The following RREB1 variants were observed in gnomAD, a reference collection of about 807,000 sequenced individuals.
RREB1 encodes the protein ras responsive element binding protein 1, also known as ras-responsive element-binding protein 1.
Under a neutral mutation model 117.8 loss-of-function variants are expected in RREB1, and 27 were observed. The ratio of observed to expected loss-of-function variants is 0.23; its 90% confidence interval spans 0.17 to 0.32. RREB1 has a LOEUF of 0.32. Ranked by LOEUF, RREB1 falls within the 10% of genes least tolerant of loss-of-function variation. The pLI, the probability that RREB1 is intolerant of heterozygous loss-of-function variation, is 1.00. For synonymous variants in RREB1, 1,298 were observed against 1,026.7 expected (o/e 1.26, Z -5.05); for missense variants, 2,577 against 2,378.2 (o/e 1.08, Z -1.74).
At chr6:7,211,338 A>AGATGGATGGACGGATG (rs1766583767) in intron 7 of RREB1, among the ~76,000 whole-genome samples, 1 of 118,566 alleles carries the variant, frequency 8.4e-6, no homozygotes, top group Non-Finnish European at 1.7e-5. Flanking sequence ...ATGGATGGAC[A>AGATGGATGGACGGATG]GATGGATGGA....
At chr6:7,119,224 G>A (rs532963472) in intron 1 of RREB1, among the ~76,000 whole-genome samples, 62 of 151,962 alleles carry the variant, frequency 4.1e-4, no homozygotes, top group Middle Eastern at 3.4e-3. Context: ...AGTGGCGGGC[G>A]TCTGTAATCC....
intron 1 of RREB1, chr6:7,108,493 A>C (rs957572843): frequency 1.1e-4 from 16 of 151,640 alleles, no homozygotes; most frequent in African/African-American, 3.9e-4. Flanking sequence ...CGCCGAGTTT[A>C]TTTTTAACCA....
intron 1 of RREB1, among the ~76,000 whole-genome samples, chr6:7,128,186 C>T (rs1202185797): frequency 6.6e-6 from 1 of 152,112 alleles, no homozygotes; most frequent in Non-Finnish European, 1.5e-5. Flanking sequence ...GTGGGTTGGA[C>T]AGAACACATA....
rs753387864 is a variant in RREB1 at position 7,230,763 on chromosome 6, C to A, written c.2664C>A (p.Pro888=). ...PPPHVSIKLE[P]ASSFAVDFNE... is the part of the protein sequence containing the mutation. ...CCCATGTCTCGATCAAGTTGGAGCC[C>A]GCCAGTAGCTTTGCGGTGGACTTCA... The change falls in exon 10 of 13, where the codon CCC becomes CCA. Residue 888 remains proline, a synonymous_variant. Coordinates refer to ENST00000379938, the MANE Select transcript of RREB1 (RefSeq NM_001003699.4). 3.1e-6 allele frequency: 5 copies of A among 1,611,586 alleles called. No individual in the cohort carries two copies. In the African/African-American group the frequency reaches 6.7e-5, roughly 21 times the overall value.
intron 11 of RREB1, among the ~76,000 whole-genome samples, chr6:7,245,704 C>T (rs1561807963): frequency 6.6e-6 from 1 of 152,196 alleles, no homozygotes; most frequent in Non-Finnish European, 1.5e-5. Flanking sequence ...CCCTTGTCTT[C>T]ACAGGCACCC....
rs1230266839 is a variant in RREB1, at chr6:7,251,197, C to T, written c.*2229C>T. 7.9e-5 allele frequency: 12 copies of T among 152,140 alleles called. No homozygotes were observed. Among genetic ancestry groups the T allele is most frequent in the Admixed American group, 7.9e-4 (12 of 15,276 alleles). The allele number at this position is 152,140 out of a possible 1,614,324, so 9.4% of individuals were successfully genotyped here. The stretch of plus-strand genomic sequence containing the variant: ...TAATCACTATTGATTTAAAGCTTTA[C>T]TTAGCCTTGATCTGTACCCTCGTAG... On this transcript the variant is annotated 3_prime_UTR_variant, in exon 13 of 13. Transcript: ENST00000379938.
In RREB1 at chr6:7,248,496, C is replaced by A. The variant is rs1390374466; in HGVS notation, c.4772-15C>A. 8.7e-6 allele frequency: 14 copies of A among 1,608,948 alleles called. No individual in the cohort carries two copies. The highest frequency in any genetic ancestry group is 1.3e-5 in the African/African-American group (1 of 74,842). ...GCCTTTTGGTTAATGGAAATTCTTT[C>A]TTCCATTGTTCCAGGGGAAAGGCCA... On this transcript the variant is annotated splice_polypyrimidine_tract_variant and intron_variant, in intron 12 of 12. Coordinates refer to ENST00000379938, the MANE Select transcript of RREB1 (RefSeq NM_001003699.4).
At chr6:7,140,830 T>G (rs921928109) in intron 1 of RREB1, 4 of 152,496 alleles carry the variant, frequency 2.6e-5, no homozygotes, top group Admixed American at 6.5e-5. Context: ...CGCGCCAGGC[T>G]TCGTGTGGTG....
intron 1 of RREB1, among the ~76,000 whole-genome samples, chr6:7,146,403 A>G (rs1191830743): frequency 2.0e-5 from 3 of 151,854 alleles, no homozygotes; most frequent in Non-Finnish European, 4.4e-5. Flanking sequence ...CGAGGTGGGG[A>G]CGGAGAAGGA....
chr6:7,111,246 C>A (rs904066880), intron 1 of RREB1, among the ~76,000 whole-genome samples: 1 of 152,164 alleles, frequency 6.6e-6, no homozygotes, highest in Non-Finnish European at 1.5e-5. Flanking sequence ...TTGCGTTATT[C>A]CACTTCTGAG....
chr6:7,246,149 G>A (rs986105776), intron 11 of RREB1, among the ~76,000 whole-genome samples: 10 of 152,216 alleles, frequency 6.6e-5, no homozygotes, highest in African/African-American at 2.4e-4. Context: ...TCCTGGGGGC[G>A]GGGGCAGTGG....
At chr6:7,205,953 T>C (rs998505320) in intron 6 of RREB1, among the ~76,000 whole-genome samples, 1 of 152,168 alleles carries the variant, frequency 6.6e-6, no homozygotes, top group African/African-American at 2.4e-5. Flanking sequence ...TTTTCCACGT[T>C]TAAAAAACAT....
Position 7,208,396 on chromosome 6 carries a change from G to A in RREB1, c.426-2408G>A, listed in dbSNP as rs75598247. ...ATCAAATCCATCGTCAGACCTGGCC[G>A]GACCCCTCCAACCCTGCAGTTCACC... On this transcript the variant is annotated intron_variant, in intron 6 of 12. Coordinates refer to ENST00000379938, the MANE Select transcript of RREB1 (RefSeq NM_001003699.4). Among the ~76,000 whole-genome samples the A allele has an allele frequency of 2.5e-4, 38 of 152,310 alleles. No individual in the cohort carries two copies. In the East Asian group the frequency reaches 3.5e-3, roughly 14 times the overall value.
At chr6:7,163,316 G>A (rs1049370697) in intron 1 of RREB1, among the ~76,000 whole-genome samples, 6 of 152,168 alleles carry the variant, frequency 3.9e-5, no homozygotes, top group Non-Finnish European at 7.3e-5. Flanking sequence ...GAAATACTTC[G>A]TGGAAATGTG....
chr6:7,153,577 T>G (rs926726851), intron 1 of RREB1, among the ~76,000 whole-genome samples: 2 of 152,026 alleles, frequency 1.3e-5, no homozygotes, highest in Non-Finnish European at 2.9e-5. Flanking sequence ...AGACCGAAAA[T>G]AGGAGGTTAA....
At chr6:7,208,685 A>G (rs1194483410) in intron 6 of RREB1, among the ~76,000 whole-genome samples, 1 of 152,218 alleles carries the variant, frequency 6.6e-6, no homozygotes, top group African/African-American at 2.4e-5. Context: ...TTCCAGACTA[A>G]GCCAGAGGCT....
At position 7,230,383 on chromosome 6, in the gene RREB1, C is replaced by T. The variant is rs1337292130; in HGVS notation, c.2284C>T (p.Leu762Phe). 1.9e-6 allele frequency: 3 copies of T among 1,592,884 alleles called. No homozygotes were observed. Among genetic ancestry groups the T allele is most frequent in the East Asian group, 4.5e-5 (2 of 44,674 alleles). The change falls in exon 10 of 13, where the codon CTC (leucine) becomes TTC (phenylalanine). Residue 762 changes from leucine (L) to phenylalanine (F), a missense_variant. By Grantham distance (22) the Leu-to-Phe change is conservative. Coordinates refer to ENST00000379938, the MANE Select transcript of RREB1 (RefSeq NM_001003699.4). ...CGTGTGCCGGCTGTGCGGCGAGGAC[C>T]TCAAGCACTATCGTGCCCTGCGCAT... ...DTVCRLCGED[L>F]KHYRALRIHM... is the part of the protein sequence containing the mutation.
At position 7,242,701 on chromosome 6, in the gene RREB1, G is replaced by GC. The variant is rs35632061; in HGVS notation, c.3973+2099_3973+2100insC. On this transcript the variant is annotated intron_variant, in intron 11 of 12. Transcript: ENST00000379938. ...TTGAAGGAAGACCACTTAAAAAAAA[G>GC]GGGGGGGGGGAAGGAAATGACCAAG... Among the ~76,000 whole-genome samples, 4 of 20,480 alleles carry GC rather than the reference G, an allele frequency of 2.0e-4. No homozygotes were observed. In the South Asian group the frequency reaches 6.1e-3, roughly 31 times the overall value. 13.4% of individuals were successfully genotyped at this position (20,480 alleles called of 152,430 possible).
intron 1 of RREB1, among the ~76,000 whole-genome samples, chr6:7,108,316 T>TTCCTCCTCCTCCTCC (rs143321297): frequency 1.8e-4 from 27 of 148,060 alleles, no homozygotes; most frequent in Middle Eastern, 3.2e-3. Context: ...CGCCGGGCCA[T>TTCCTCCTCCTCCTCC]TCCTCCTCCT....
Sources: allele counts gnomAD v4.1 joint callset (sites outside exome capture counted in the v4.1 genomes callset), GRCh38; gene constraint gnomAD v4.1.1; transcripts MANE v1.5; gene names NCBI Gene and HGNC (gene_info 2026-07-23, HGNC 2026-07-21).